The following IPO7 variants were observed in gnomAD, a reference collection of about 807,000 sequenced individuals.
The protein encoded by IPO7 is importin-7.
Under a neutral mutation model 136.4 loss-of-function variants are expected in IPO7, and 13 were observed. The observed-to-expected ratio is 0.10, with a 90% CI of 0.06 to 0.15. The LOEUF (loss-of-function observed/expected upper bound fraction) is 0.15, where lower values mean the gene tolerates loss of function less well. Ranked by LOEUF, IPO7 falls within the 10% of genes least tolerant of loss-of-function variation. The pLI, the probability that IPO7 is intolerant of heterozygous loss-of-function variation, is 1.00. For synonymous variants in IPO7, 403 were observed against 404.4 expected (o/e 1.00, Z 0.04); for missense variants, 857 against 1,240.6 (o/e 0.69, Z 4.65).
In IPO7 at chr11:9,417,123, C is replaced by T; in HGVS notation, c.701C>T (p.Thr234Ile). ...ACAGAATGGATAGAAATTTTAAAGACTGTTGTGAACAGGGATGTACCTAAT... is the reference window on the plus strand; with the variant it reads ...ACAGAATGGATAGAAATTTTAAAGATTGTTGTGAACAGGGATGTACCTAAT... ...NLTEWIEILK[T>I]VVNRDVPNET... Residue 234 changes from threonine to isoleucine, a missense_variant, in exon 6 of 25, where the codon ACT becomes ATT. Around this residue, in one of 11 missense-constraint regions of IPO7, gnomAD observed 287 missense variants for 307.5 expected, o/e 0.93. Coordinates refer to ENST00000379719, the MANE Select transcript of IPO7 (RefSeq NM_006391.3). 1 of 1,539,216 alleles carries T rather than the reference C, an allele frequency of 6.5e-7. No homozygotes were observed. Among genetic ancestry groups the T allele is most frequent in the Non-Finnish European group, 9.0e-7 (1 of 1,113,788 alleles).
At chr11:9,404,931 A>G (rs184058982) in intron 2 of IPO7, among the ~76,000 whole-genome samples, 3 of 152,238 alleles carry the variant, frequency 2.0e-5, no homozygotes, top group Admixed American at 6.5e-5. Context: ...AACTGTTAAA[A>G]TTTTTAGAAA....
At chr11:9,426,362 T>C (rs931832310) in intron 12 of IPO7, among the ~76,000 whole-genome samples, 1 of 152,240 alleles carries the variant, frequency 6.6e-6, no homozygotes, top group Admixed American at 6.5e-5. Flanking sequence ...ACTTTTTCCT[T>C]TTTGTTGCCA....
chr11:9,393,843 A>C lies in IPO7; in HGVS notation c.84+8996A>C, dbSNP rs1407548851. 3.3e-5 allele frequency among the ~76,000 whole-genome samples: 5 copies of C among 152,284 alleles called. No homozygotes were observed. The South Asian group carries it at 1.0e-3, about 32-fold the overall frequency. On this transcript the variant is annotated intron_variant, in intron 1 of 24. Transcript: ENST00000379719. The stretch of plus-strand genomic sequence containing the variant: ...AAGACTTTCTGGGAAAATGCATTAA[A>C]GTATCAGTAACCTTGGAAAAGTAAT...
chr11:9,422,150 A>G (rs1276748663), intron 8 of IPO7, among the ~76,000 whole-genome samples: 1 of 151,680 alleles, frequency 6.6e-6, no homozygotes, highest in Non-Finnish European at 1.5e-5. Flanking sequence ...GTGGTGGTGC[A>G]TGTCTGTAAT....
chr11:9,409,851 G>A, intron 3 of IPO7, 77 bp from the exon 4 acceptor site: 4 of 1,055,572 alleles, frequency 3.8e-6, no homozygotes, highest in Non-Finnish European at 5.3e-6. Flanking sequence ...TGTCTAAACA[G>A]CTATTTTCCT....
At chr11:9,406,643 G>A (rs1854892069) in intron 2 of IPO7, among the ~76,000 whole-genome samples, 1 of 152,126 alleles carries the variant, frequency 6.6e-6, no homozygotes, top group African/African-American at 2.4e-5. Context: ...GGCCGTAGAT[G>A]GGGGATCATT....
In IPO7 at chr11:9,434,980, A is replaced by T. The variant is rs951267497; in HGVS notation, c.2121A>T (p.Thr707=). The T allele has an allele frequency of 1.3e-5, 21 of 1,609,254 alleles. No individual in the cohort carries two copies. The highest frequency in any genetic ancestry group is 1.7e-5 in the Non-Finnish European group (20 of 1,175,836). ...ATTATGTAACAGTTGATACAGACACACTTCTGTCTGACACCAAGTATCTTG... is the reference window on the plus strand; with the variant it reads ...ATTATGTAACAGTTGATACAGACACTCTTCTGTCTGACACCAAGTATCTTG... ...LHNYVTVDTD[T]LLSDTKYLEM... The change falls in exon 19 of 25, where the codon ACA becomes ACT. Residue 707 remains threonine (T), a synonymous_variant. Coordinates refer to ENST00000379719, the MANE Select transcript of IPO7 (RefSeq NM_006391.3).
rs1855529445 is a variant in IPO7 at position 9,446,452 on chromosome 11, T to C, written c.*1258T>C. The C allele has an allele frequency of 2.6e-5, 4 of 152,184 alleles. No individual in the cohort carries two copies. The highest frequency in any genetic ancestry group is 1.3e-4 in the Admixed American group (2 of 15,264). The allele number at this position is 152,184 out of a possible 1,614,324, so 9.4% of individuals were successfully genotyped here. On this transcript the variant is annotated 3_prime_UTR_variant, in exon 25 of 25. Coordinates refer to ENST00000379719, the MANE Select transcript of IPO7 (RefSeq NM_006391.3). ...GCACATGGTTCCCTCCAAAAACCAC[T>C]ATTGATACCACTACAAAAACAAGCC...
At chr11:9,389,763 A>G (rs1292869628) in intron 1 of IPO7, among the ~76,000 whole-genome samples, 1 of 149,022 alleles carries the variant, frequency 6.7e-6, no homozygotes, top group Non-Finnish European at 1.5e-5. Flanking sequence ...ATGTATATAC[A>G]CCTTTTTTTT....
intron 4 of IPO7, 51 bp from the exon 5 acceptor site, chr11:9,414,204 A>G (rs1015517412): frequency 5.2e-6 from 7 of 1,336,542 alleles, no homozygotes; most frequent in Non-Finnish European, 5.2e-6. Context: ...AAATATATAT[A>G]CAATTGTGGA....
chr11:9,419,556 A>G (rs1855095207), intron 6 of IPO7, among the ~76,000 whole-genome samples: 1 of 133,686 alleles, frequency 7.5e-6, no homozygotes, highest in South Asian at 2.4e-4. Flanking sequence ...AAAAAAAAAA[A>G]AAAATATATA....
At position 9,445,829 on chromosome 11, in the gene IPO7, T is replaced by G. The variant is rs1393762312; in HGVS notation, c.*635T>G. ...TCATATTGAAACAAGCCTGCTAGCCTATGTATAAAATAGCAAAATGTTTGC... is the reference window on the plus strand; with the variant it reads ...TCATATTGAAACAAGCCTGCTAGCCGATGTATAAAATAGCAAAATGTTTGC... On this transcript the variant is annotated 3_prime_UTR_variant, in exon 25 of 25. Transcript: ENST00000379719. 1 of 150,416 alleles carries G rather than the reference T, an allele frequency of 6.6e-6. No homozygotes were observed. Among genetic ancestry groups the G allele is most frequent in the Non-Finnish European group, 1.5e-5 (1 of 67,832 alleles). 9.3% of individuals were successfully genotyped at this position (150,416 alleles called of 1,614,324 possible). A position where few individuals can be genotyped will look rare whatever the true frequency, so the allele number is the denominator to read the frequency against.
At chr11:9,403,478 A>T (rs995512553) in intron 2 of IPO7, 107 bp downstream of exon 2, 1 of 774,670 alleles carries the variant, frequency 1.3e-6, no homozygotes, top group Non-Finnish European at 2.1e-6. Flanking sequence ...TTTTCCCCCC[A>T]GGTAATTTGT....
chr11:9,403,494 T>C, intron 2 of IPO7, 123 bp downstream of exon 2: 1 of 667,444 alleles, frequency 1.5e-6, no homozygotes, highest in South Asian at 1.8e-5. Context: ...TTTGTTTACC[T>C]TCAGTGTTTA....
chr11:9,422,926 T>C, intron 8 of IPO7, 80 bp from the exon 9 acceptor site: 1 of 745,024 alleles, frequency 1.3e-6, no homozygotes, highest in Non-Finnish European at 2.1e-6. Context: ...TTAAAATATG[T>C]GTTAACTGTT....
intron 4 of IPO7, among the ~76,000 whole-genome samples, chr11:9,413,803 T>G (rs962934729): frequency 2.0e-5 from 3 of 152,010 alleles, no homozygotes; most frequent in African/African-American, 7.3e-5. Flanking sequence ...AGTATTTGAT[T>G]ATATTTGTGT....
chr11:9,433,762 T>A lies in IPO7; in HGVS notation c.1990T>A (p.Cys664Ser). The A allele has an allele frequency of 6.2e-7, 1 of 1,611,892 alleles. No homozygotes were observed. Among genetic ancestry groups the A allele is most frequent in the Non-Finnish European group, 8.5e-7 (1 of 1,179,730 alleles). The change falls in exon 18 of 25, where the codon TGT (cysteine) becomes AGT (serine). Residue 664 changes from cysteine to serine, a missense_variant. Coordinates refer to ENST00000379719, the MANE Select transcript of IPO7 (RefSeq NM_006391.3). ...EIFSLAHSLT[C>S]QQVSPQMWQL... ...CTTCTCTTTAGCGCACAGTTTGACATGTCAACAAGTGTCTCCACAGATGTG... is the reference window on the plus strand; with the variant it reads ...CTTCTCTTTAGCGCACAGTTTGACAAGTCAACAAGTGTCTCCACAGATGTG...
intron 1 of IPO7, among the ~76,000 whole-genome samples, chr11:9,395,969 C>T (rs34177710): frequency 0.45 from 67,685 of 151,316 alleles, 17,035 homozygotes; most frequent in Non-Finnish European, 0.57. Flanking sequence ...GTGATCCACC[C>T]GTCTCAGCCT....
At chr11:9,385,921 A>G (rs1372138854) in intron 1 of IPO7, among the ~76,000 whole-genome samples, 3 of 152,244 alleles carry the variant, frequency 2.0e-5, no homozygotes, top group Non-Finnish European at 4.4e-5. Flanking sequence ...GTCCTTCAGC[A>G]TGCTGCTGAA....
Sources: allele counts gnomAD v4.1 joint callset (sites outside exome capture counted in the v4.1 genomes callset), GRCh38; gene constraint gnomAD v4.1.1; regional missense constraint gnomAD v4.1.1; transcripts MANE v1.5; gene names NCBI Gene and HGNC (gene_info 2026-07-23, HGNC 2026-07-21).